Variants in TRPC4 observed in about 807,000 individuals in gnomAD.
TRPC4 encodes the protein transient receptor potential cation channel subfamily C member 4.
In TRPC4, 49 loss-of-function variants were observed where a neutral mutation model predicts 99.4. The observed-to-expected ratio is 0.49, with a 90% CI of 0.39 to 0.63. TRPC4 has a LOEUF of 0.63. TRPC4 is among the 20% of genes least tolerant of loss of function. The probability of loss-of-function intolerance (pLI) is 0.00; values close to 1 mark genes in which losing one functional copy is unlikely to be tolerated. For synonymous variants in TRPC4, 454 were observed against 425.9 expected, an observed-to-expected ratio of 1.07 and a Z score of -0.81; for missense variants, 898 against 1,152.9, an observed-to-expected ratio of 0.78 and a Z score of 3.20.
At chr13:37,758,895 A>G (rs1347679497) in intron 2 of TRPC4, among the ~76,000 whole-genome samples, 2 of 151,668 alleles carry the variant, frequency 1.3e-5, no homozygotes, top group East Asian at 1.9e-4. Context: ...AGAAGACTTC[A>G]TATCAGAATT....
chr13:37,702,447 A>G (rs1229300667), intron 3 of TRPC4, among the ~76,000 whole-genome samples: 2 of 152,210 alleles, frequency 1.3e-5, no homozygotes, highest in African/African-American at 2.4e-5. Flanking sequence ...TATTCCAAAT[A>G]TATTTCAAGA....
chr13:37,796,931 A>AAATAAAATAAAATAAAATAAAATAT lies in TRPC4; in HGVS notation c.-27-13572_-27-13571insATATTTTATTTTATTTTATTTTATT, dbSNP rs1191334379. On this transcript the variant is annotated intron_variant, in intron 1 of 10. Transcript: ENST00000379705. Reference sequence around the variant, plus strand: ...AACATAGCAAAACTCCTCTCTACAAAAATAAAATAAAATAAAATAAAATAA... The same window carrying AAATAAAATAAAATAAAATAAAATAT: ...AACATAGCAAAACTCCTCTCTACAAAAATAAAATAAAATAAAATAAAATATAATAAAATAAAATAAAATAAAATAA... Among the ~76,000 whole-genome samples the AAATAAAATAAAATAAAATAAAATAT allele has an allele frequency of 5.0e-5, 6 of 119,128 alleles. No individual in the cohort carries two copies. In the East Asian group the frequency reaches 1.5e-3, roughly 29 times the overall value. The allele number at this position is 119,128 out of a possible 152,430, so 78.2% of individuals were successfully genotyped here. A position where few individuals can be genotyped will look rare whatever the true frequency, so the allele number is the denominator to read the frequency against.
chr13:37,848,536 T>C (rs1958969864), intron 1 of TRPC4, among the ~76,000 whole-genome samples: 1 of 151,982 alleles, frequency 6.6e-6, no homozygotes, highest in Admixed American at 6.6e-5. Flanking sequence ...AGAGGGAAAA[T>C]CAAGTTGCAG....
chr13:37,752,707 A>G (rs1955968567), intron 2 of TRPC4, among the ~76,000 whole-genome samples: 1 of 151,910 alleles, frequency 6.6e-6, no homozygotes, highest in South Asian at 2.1e-4. Flanking sequence ...ACAGAGACTT[A>G]AATTCCCCTT....
chr13:37,857,264 T>G (rs182018964), intron 1 of TRPC4, among the ~76,000 whole-genome samples: 1 of 150,666 alleles, frequency 6.6e-6, no homozygotes, highest in East Asian at 1.9e-4. Context: ...ATGAAAAAAA[T>G]TAAAAAGGAC....
intron 8 of TRPC4, among the ~76,000 whole-genome samples, chr13:37,645,064 C>G (rs1337061161): frequency 6.6e-6 from 1 of 151,744 alleles, no homozygotes; most frequent in African/African-American, 2.4e-5. Context: ...TAGGTTGGCA[C>G]TTTTCTTCGC....
intron 1 of TRPC4, among the ~76,000 whole-genome samples, chr13:37,810,328 C>A (rs1018434568): frequency 2.0e-5 from 3 of 151,898 alleles, no homozygotes; most frequent in Non-Finnish European, 4.4e-5. Flanking sequence ...TAATCCTTTT[C>A]TATAATGTTT....
chr13:37,866,249 CACTT>C (rs1484247979), intron 1 of TRPC4, among the ~76,000 whole-genome samples: 1 of 151,742 alleles, frequency 6.6e-6, no homozygotes, highest in African/African-American at 2.4e-5. Flanking sequence ...GTCCATGTGT[CACTT>C]AGTGTCTCTC....
chr13:37,786,711 G>T (rs1485987151), intron 1 of TRPC4, among the ~76,000 whole-genome samples: 3 of 151,996 alleles, frequency 2.0e-5, no homozygotes, highest in Non-Finnish European at 2.9e-5. Flanking sequence ...GAGGGGAAAT[G>T]ATTTCTTCCC....
chr13:37,816,322 C>G (rs1957853384), intron 1 of TRPC4, among the ~76,000 whole-genome samples: 1 of 151,832 alleles, frequency 6.6e-6, no homozygotes, highest in Non-Finnish European at 1.5e-5. Flanking sequence ...CAATATTAGA[C>G]AGATCACTGA....
chr13:37,632,563 G>T lies in TRPC4; in HGVS notation c.*4340C>A, dbSNP rs1403531489. On this transcript the variant is annotated 3_prime_UTR_variant, in exon 11 of 11. Transcript: ENST00000379705. ...GTTTTGCTACTGGTGAATTTGACTT[G>T]CAGAGACGTCTTCACTGTCAGCCTA... Among the ~76,000 whole-genome samples the T allele has an allele frequency of 6.6e-6, 1 of 152,156 alleles. No individual in the cohort carries two copies. The highest frequency in any genetic ancestry group is 2.4e-5 in the African/African-American group (1 of 41,438).
At chr13:37,649,738 A>AAAAC (rs1951967018) in intron 8 of TRPC4, among the ~76,000 whole-genome samples, 4 of 82,376 alleles carry the variant, frequency 4.9e-5, no homozygotes, top group Admixed American at 4.2e-4. Flanking sequence ...TCTCAAAAAA[A>AAAAC]AAAAAAAAAA....
rs368254861 is a variant in TRPC4, at chr13:37,693,034, C to A, written c.898-699G>T. Among the ~76,000 whole-genome samples, 30 of 150,886 alleles carry A rather than the reference C, an allele frequency of 2.0e-4. No individual in the cohort carries two copies. The South Asian group carries it at 6.3e-3, about 32-fold the overall frequency. On this transcript the variant is annotated intron_variant, in intron 3 of 10. Transcript: ENST00000379705. ...CAGACATGGCATCATTCTATCCTGACAACATTTTTGTGATGTAGCATGGAC... is the reference window on the plus strand; with the variant it reads ...CAGACATGGCATCATTCTATCCTGAAAACATTTTTGTGATGTAGCATGGAC...
intron 2 of TRPC4, among the ~76,000 whole-genome samples, chr13:37,755,064 G>C (rs1956061913): frequency 6.6e-6 from 1 of 151,986 alleles, no homozygotes; most frequent in Admixed American, 6.6e-5. Context: ...ATACATGTTT[G>C]AACCATTATT....
chr13:37,864,402 A>C (rs574077990), intron 1 of TRPC4, among the ~76,000 whole-genome samples: 1 of 151,830 alleles, frequency 6.6e-6, no homozygotes, highest in South Asian at 2.1e-4. Context: ...CTGAAAGTTA[A>C]GTTTATTGAA....
chr13:37,845,597 G>C (rs181520894), intron 1 of TRPC4, among the ~76,000 whole-genome samples: 1 of 151,432 alleles, frequency 6.6e-6, no homozygotes, highest in Admixed American at 6.6e-5. Context: ...TTATCCAATC[G>C]ATCAGAGGAG....
At chr13:37,698,804 A>T (rs1954007642) in intron 3 of TRPC4, among the ~76,000 whole-genome samples, 1 of 152,176 alleles carries the variant, frequency 6.6e-6, no homozygotes, top group Non-Finnish European at 1.5e-5. Context: ...GCACGATGCC[A>T]ATAGGGGACT....
intron 2 of TRPC4, among the ~76,000 whole-genome samples, chr13:37,752,889 C>T (rs767964966): frequency 6.6e-5 from 10 of 151,920 alleles, no homozygotes; most frequent in Non-Finnish European, 1.5e-4. Context: ...AATTACTATA[C>T]ATGAGCAATG....
intron 7 of TRPC4, among the ~76,000 whole-genome samples, chr13:37,652,423 G>A (rs751792098): frequency 6.6e-6 from 1 of 152,124 alleles, no homozygotes; most frequent in African/African-American, 2.4e-5. Context: ...TTTATTCTGC[G>A]CAACATGGGT....
Sources: allele counts gnomAD v4.1 joint callset (sites outside exome capture counted in the v4.1 genomes callset), GRCh38; gene constraint gnomAD v4.1.1; transcripts MANE v1.5; gene names NCBI Gene and HGNC (gene_info 2026-07-23, HGNC 2026-07-21).